The following MYO16 variants were observed in gnomAD, a reference collection of about 807,000 sequenced individuals.
The protein encoded by MYO16 is unconventional myosin-XVI.
In MYO16, 94 loss-of-function variants were observed where a neutral mutation model predicts 205.3. The ratio of observed to expected loss-of-function variants is 0.46; its 90% CI spans 0.39 to 0.54. The LOEUF (loss-of-function observed/expected upper bound fraction) is 0.54, where lower values mean the gene tolerates loss of function less well. Ranked by LOEUF, MYO16 falls within the 20% of genes least tolerant of loss-of-function variation. The pLI is 0.00. For synonymous variants in MYO16, 988 were observed against 954.0 expected, an observed-to-expected ratio of 1.04 and a Z score of -0.66; for missense variants, 2,315 against 2,387.5, an observed-to-expected ratio of 0.97 and a Z score of 0.63.
the MYO16 span, among the ~76,000 whole-genome samples, chr13:108,523,372 G>A: frequency 2.6e-5 from 4 of 152,182 alleles, no homozygotes; most frequent in Admixed American, 2.6e-4. Context: ...CCGCTGCCCA[G>A]CTTCGGGCCT....
In MYO16 at chr13:108,629,692, C is replaced by T. The variant is rs117238712; in HGVS notation, c.-153C>T. The stretch of plus-strand genomic sequence containing the variant: ...ATGAGAATGAGTTTGAAGCTTTTTG[C>T]AGGATCATGGAACAGAGCCTCCATG... On this transcript the variant is annotated 5_prime_UTR_variant, in exon 1 of 35. Coordinates refer to ENST00000457511, the MANE Select transcript of MYO16 (RefSeq NM_001198950.3). The T allele has an allele frequency of 2.4e-5, 15 of 631,982 alleles. No individual in the cohort carries two copies. Among genetic ancestry groups the T allele is most frequent in the Non-Finnish European group, 3.4e-5 (13 of 380,724 alleles). The allele number at this position is 631,982 out of a possible 1,614,324, so 39.1% of individuals were successfully genotyped here. A position where few individuals can be genotyped will look rare whatever the true frequency, so the allele number is the denominator to read the frequency against.
intron 6 of MYO16, among the ~76,000 whole-genome samples, chr13:108,805,025 T>C (rs572118119): frequency 6.6e-6 from 1 of 152,228 alleles, no homozygotes; most frequent in African/African-American, 2.4e-5. Flanking sequence ...ATTTGTAGAC[T>C]CTGCTTTATG....
At chr13:108,510,922 C>T in the MYO16 span, among the ~76,000 whole-genome samples, 2 of 18,116 alleles carry the variant, frequency 1.1e-4, no homozygotes. Context: ...TGAATAATGC[C>T]GCAATAAACA....
chr13:108,770,866 C>T (rs1366399419), intron 4 of MYO16, among the ~76,000 whole-genome samples: 2 of 152,140 alleles, frequency 1.3e-5, no homozygotes, highest in African/African-American at 4.8e-5. Context: ...TCTAGGTCAT[C>T]CACTAACCAA....
intron 16 of MYO16, among the ~76,000 whole-genome samples, chr13:108,955,091 C>T (rs1883298386): frequency 6.6e-6 from 1 of 152,188 alleles, no homozygotes; most frequent in Non-Finnish European, 1.5e-5. Context: ...CTCTTTCTCT[C>T]CTGGAAAAAC....
At chr13:108,778,731 T>C (rs80293231) in intron 4 of MYO16, among the ~76,000 whole-genome samples, 5,839 of 152,256 alleles carry the variant, frequency 0.038, 258 homozygotes, top group East Asian at 0.24. Flanking sequence ...AATAATTTGA[T>C]AAGACAGTGA....
chr13:108,741,239 G>T (rs536480412), intron 4 of MYO16, among the ~76,000 whole-genome samples: 4 of 152,296 alleles, frequency 2.6e-5, no homozygotes, highest in Admixed American at 1.3e-4. Context: ...GCTGGGAGCT[G>T]TAGACTGGAG....
At chr13:108,544,414 G>T in the MYO16 span, among the ~76,000 whole-genome samples, 2 of 151,934 alleles carry the variant, frequency 1.3e-5, no homozygotes, top group South Asian at 2.1e-4. Context: ...ACATGTGAGG[G>T]GTATATATTT....
intron 21 of MYO16, among the ~76,000 whole-genome samples, chr13:108,997,411 G>GAAAGGAAAGA (rs1885064197): frequency 9.7e-6 from 1 of 103,126 alleles, no homozygotes; most frequent in African/African-American, 4.4e-5. Flanking sequence ...AGAGTGGGAG[G>GAAAGGAAAGA]AAAGGAAAGG....
At chr13:109,177,722 G>C (rs1301068073) in intron 33 of MYO16, among the ~76,000 whole-genome samples, 1 of 152,100 alleles carries the variant, frequency 6.6e-6, no homozygotes, top group Non-Finnish European at 1.5e-5. Flanking sequence ...TCACCGTGTT[G>C]GCTGGGCTGG....
intron 2 of MYO16, among the ~76,000 whole-genome samples, chr13:108,706,648 G>A (rs1234703807): frequency 1.3e-5 from 2 of 152,086 alleles, no homozygotes; most frequent in Non-Finnish European, 2.9e-5. Context: ...TTGGGATAGT[G>A]CTAACTATTA....
chr13:108,531,075 T>TGC, the MYO16 span, among the ~76,000 whole-genome samples: 3 of 152,204 alleles, frequency 2.0e-5, no homozygotes, highest in South Asian at 6.2e-4. Flanking sequence ...AGAATAGCAT[T>TGC]TGTGCAAACG....
intron 2 of MYO16, among the ~76,000 whole-genome samples, chr13:108,684,125 C>T (rs753074447): frequency 4.6e-5 from 7 of 152,216 alleles, no homozygotes; most frequent in Non-Finnish European, 7.3e-5. Flanking sequence ...CCGCCCGCCT[C>T]GGCCTCCCGA....
the MYO16 span, among the ~76,000 whole-genome samples, chr13:108,577,703 A>T: frequency 6.6e-6 from 1 of 152,254 alleles, no homozygotes; most frequent in Non-Finnish European, 1.5e-5. Flanking sequence ...CTTTGCACTG[A>T]CTACAAGACA....
intron 33 of MYO16, among the ~76,000 whole-genome samples, chr13:109,167,645 C>T (rs970441184): frequency 6.6e-6 from 1 of 152,032 alleles, no homozygotes. Context: ...GAAACAGAAA[C>T]CTTTGCAAAG....
chr13:108,874,442 A>G (rs1204938825), intron 12 of MYO16, among the ~76,000 whole-genome samples: 1 of 152,192 alleles, frequency 6.6e-6, no homozygotes, highest in Admixed American at 6.5e-5. Context: ...TGCTTATTAC[A>G]TGGCAGAACT....
At chr13:108,923,256 G>A (rs939775617) in intron 16 of MYO16, among the ~76,000 whole-genome samples, 8 of 152,166 alleles carry the variant, frequency 5.3e-5, no homozygotes, top group South Asian at 2.1e-4. Flanking sequence ...CGCAAGATGC[G>A]GGATGACCTC....
At chr13:108,876,554 T>A (rs182092414) in intron 12 of MYO16, among the ~76,000 whole-genome samples, 20 of 152,298 alleles carry the variant, frequency 1.3e-4, no homozygotes, top group Admixed American at 6.5e-4. Context: ...TATCCTTCCA[T>A]CCAGTGTTTT....
chr13:108,525,465 G>A, the MYO16 span, among the ~76,000 whole-genome samples: 1 of 152,142 alleles, frequency 6.6e-6, no homozygotes, highest in Non-Finnish European at 1.5e-5. Context: ...TCACTTGAAT[G>A]TGCATTTATT....
Sources: allele counts gnomAD v4.1 joint callset (sites outside exome capture counted in the v4.1 genomes callset), GRCh38; gene constraint gnomAD v4.1.1; transcripts MANE v1.5; gene names NCBI Gene and HGNC (gene_info 2026-07-23, HGNC 2026-07-21).